EFL1: variants seen among roughly 807,000 people sequenced by gnomAD.
EFL1 encodes the protein elongation factor like GTPase 1.
In EFL1, 76 loss-of-function variants were observed where a neutral mutation model predicts 126.7. The ratio of observed to expected loss-of-function variants is 0.60; its 90% CI spans 0.50 to 0.73. EFL1 has a LOEUF of 0.73. EFL1 is among the 30% of genes least tolerant of loss of function. EFL1 has a pLI of 0.00. For missense variants in EFL1, 1,128 were observed against 1,343.2 expected (o/e 0.84, Z 2.50); for synonymous variants, 410 against 448.4 (o/e 0.91, Z 1.08).
intron 4 of EFL1, among the ~76,000 whole-genome samples, chr15:82,247,503 G>T (rs2074983727): frequency 6.6e-6 from 1 of 152,064 alleles, no homozygotes; most frequent in South Asian, 2.1e-4. Context: ...CTTGAAAGAA[G>T]AAGTTTGAAA....
chr15:82,176,791 G>T (rs1029736615), intron 15 of EFL1, among the ~76,000 whole-genome samples: 20 of 152,288 alleles, frequency 1.3e-4, no homozygotes, highest in African/African-American at 4.6e-4. Flanking sequence ...CCATCAGAAA[G>T]CAGACACATT....
chr15:82,221,026 C>A (rs528164073), intron 12 of EFL1, among the ~76,000 whole-genome samples: 1 of 152,182 alleles, frequency 6.6e-6, no homozygotes, highest in Admixed American at 6.5e-5. Context: ...ATGCTCAACC[C>A]CAACACATGA....
chr15:82,175,587 C>T (rs1169504964), intron 15 of EFL1, among the ~76,000 whole-genome samples: 1 of 152,062 alleles, frequency 6.6e-6, no homozygotes, highest in Non-Finnish European at 1.5e-5. Context: ...GTTATAAAAA[C>T]ACAGTATTGG....
At chr15:82,145,844 C>CAA (rs5814101) in intron 18 of EFL1, among the ~76,000 whole-genome samples, 4,748 of 137,988 alleles carry the variant, frequency 0.034, 115 homozygotes, top group African/African-American at 0.047. Context: ...CTCAAAAAAC[C>CAA]AAAAAAAAAA....
chr15:82,249,022 C>T (rs1009741908), intron 4 of EFL1, among the ~76,000 whole-genome samples: 1 of 151,950 alleles, frequency 6.6e-6, no homozygotes, highest in African/African-American at 2.4e-5. Flanking sequence ...TGTGTGCATA[C>T]ACATACAACT....
chr15:82,256,934 T>A (rs1437877968), intron 3 of EFL1, among the ~76,000 whole-genome samples: 2 of 152,210 alleles, frequency 1.3e-5, no homozygotes, highest in Non-Finnish European at 2.9e-5. Context: ...TATTGTACTA[T>A]CCTTAACAGA....
intron 15 of EFL1, among the ~76,000 whole-genome samples, chr15:82,191,306 T>C (rs1395647811): frequency 2.0e-5 from 3 of 152,240 alleles, no homozygotes; most frequent in Non-Finnish European, 4.4e-5. Context: ...AAAAAGAAAG[T>C]TTAAAGTTTC....
intron 11 of EFL1, 78 bp downstream of exon 11, chr15:82,227,372 C>G: frequency 1.2e-6 from 2 of 1,605,832 alleles, no homozygotes; most frequent in Non-Finnish European, 1.7e-6. Flanking sequence ...AACTAGCGTT[C>G]AGCAAACTGG....
At chr15:82,170,073 G>C (rs2074117752) in intron 15 of EFL1, among the ~76,000 whole-genome samples, 1 of 147,976 alleles carries the variant, frequency 6.8e-6, no homozygotes, top group African/African-American at 2.5e-5. Context: ...ATGGGAAGGA[G>C]TGATGAGGTG....
At chr15:82,222,448 A>G (rs946576410) in intron 12 of EFL1, among the ~76,000 whole-genome samples, 1 of 152,222 alleles carries the variant, frequency 6.6e-6, no homozygotes, top group Non-Finnish European at 1.5e-5. Context: ...CTTTAGTTTT[A>G]GTGAAAAAAG....
chr15:82,150,196 G>A (rs1452004126), intron 18 of EFL1, among the ~76,000 whole-genome samples: 3 of 151,998 alleles, frequency 2.0e-5, no homozygotes, highest in Non-Finnish European at 2.9e-5. Context: ...TGCTAATGAC[G>A]CTCAGTCTCA....
rs576530903 is a variant in EFL1 at position 82,226,322 on chromosome 15, C to A, written c.1193-1058G>T. Among the ~76,000 whole-genome samples the A allele has an allele frequency of 1.6e-3, 250 of 152,240 alleles. 1 individual carries two copies. Among genetic ancestry groups the A allele is most frequent in the African/African-American group, 5.9e-3 (244 of 41,512 alleles). On this transcript the variant is annotated intron_variant, in intron 11 of 19. Transcript: ENST00000268206. Reference sequence around the variant, plus strand: ...TAGCAGGGACTACAAGCGTGTACCACCACGCCCAGTTAGTTTTTGTATTTT... The same window carrying A: ...TAGCAGGGACTACAAGCGTGTACCAACACGCCCAGTTAGTTTTTGTATTTT...
intron 18 of EFL1, among the ~76,000 whole-genome samples, chr15:82,143,505 T>C (rs2073810746): frequency 3.3e-5 from 5 of 152,216 alleles, no homozygotes; most frequent in African/African-American, 7.2e-5. Context: ...CTTATTCTTA[T>C]ACACCAGGTC....
chr15:82,257,060 TGTTTGGC>T (rs2075073037), intron 3 of EFL1, among the ~76,000 whole-genome samples: 2 of 152,236 alleles, frequency 1.3e-5, no homozygotes, highest in African/African-American at 4.8e-5. Flanking sequence ...ATTCTTTGAA[TGTTTGGC>T]AGAACTAGAG....
At chr15:82,258,037 C>T (rs1036493766) in intron 3 of EFL1, among the ~76,000 whole-genome samples, 2 of 152,204 alleles carry the variant, frequency 1.3e-5, no homozygotes, top group Non-Finnish European at 2.9e-5. Context: ...ACCCACACAT[C>T]AATTCCCAAA....
Position 82,214,874 on chromosome 15 carries a change from T to C in EFL1, c.1612-19A>G, listed in dbSNP as rs2074629446. On this transcript the variant is annotated intron_variant, in intron 14 of 19. Coordinates refer to ENST00000268206, the MANE Select transcript of EFL1 (RefSeq NM_024580.6). ...ATGGTACCTGGGCAAAGAAAAATGA[T>C]GGAAGACAAGTTAGGAGGCATTTGG... 1.3e-6 allele frequency: 2 copies of C among 1,594,528 alleles called. No homozygotes were observed. Among genetic ancestry groups the C allele is most frequent in the Non-Finnish European group, 1.7e-6 (2 of 1,173,376 alleles).
At chr15:82,161,321 T>G (rs920441304) in intron 16 of EFL1, among the ~76,000 whole-genome samples, 1 of 152,150 alleles carries the variant, frequency 6.6e-6, no homozygotes, top group Non-Finnish European at 1.5e-5. Flanking sequence ...AGACATGTAA[T>G]CTACGAATAA....
intron 5 of EFL1, 99 bp from the exon 6 acceptor site, chr15:82,240,654 A>C: frequency 1.4e-6 from 2 of 1,381,088 alleles, no homozygotes; most frequent in Non-Finnish European, 2.0e-6. Context: ...TATGCCAGTC[A>C]GACAAAGGTA....
rs371305051 is a variant in EFL1, at chr15:82,187,926, A to G, written c.1751-23942T>C. Among the ~76,000 whole-genome samples the G allele has an allele frequency of 3.9e-4, 60 of 152,246 alleles. 2 individuals are homozygous for G. In the East Asian group the frequency reaches 6.2e-3, roughly 16 times the overall value. ...TGTCCTATATTTCACGGTAATAACT[A>G]TAACAGTGAAAAAAACAGCCCTGTG... On this transcript the variant is annotated intron_variant, in intron 15 of 19. Coordinates refer to ENST00000268206, the MANE Select transcript of EFL1 (RefSeq NM_024580.6).
Sources: allele counts gnomAD v4.1 joint callset (sites outside exome capture counted in the v4.1 genomes callset), GRCh38; gene constraint gnomAD v4.1.1; transcripts MANE v1.5; gene names NCBI Gene and HGNC (gene_info 2026-07-23, HGNC 2026-07-21).